OSBPL8: variants seen among roughly 807,000 people sequenced by gnomAD.
OSBPL8 encodes the protein oxysterol-binding protein-related protein 8.
A neutral mutation model predicts 125.5 loss-of-function variants in OSBPL8; 59 were observed. The observed-to-expected ratio is 0.47, with a 90% CI of 0.38 to 0.58. The LOEUF (loss-of-function observed/expected upper bound fraction) is 0.58, where lower values mean the gene tolerates loss of function less well. OSBPL8 is among the 20% of genes least tolerant of loss of function. OSBPL8 has a pLI of 0.00. For synonymous variants in OSBPL8, 330 were observed against 338.9 expected, an observed-to-expected ratio of 0.97 and a Z score of 0.29; for missense variants, 758 against 1,047.8, an observed-to-expected ratio of 0.72 and a Z score of 3.82.
chr12:76,461,132 C>T (rs1239602934), intron 2 of OSBPL8, among the ~76,000 whole-genome samples: 2 of 152,180 alleles, frequency 1.3e-5, no homozygotes, highest in Non-Finnish European at 2.9e-5. Context: ...AAGCAATCCT[C>T]CAGCCTCTGC....
intron 7 of OSBPL8, among the ~76,000 whole-genome samples, chr12:76,398,945 G>T (rs1953936760): frequency 6.6e-6 from 1 of 152,238 alleles, no homozygotes; most frequent in South Asian, 2.1e-4. Flanking sequence ...CAGAAGGAAG[G>T]TAAGGCAGAG....
chr12:76,418,884 T>A (rs1452535739), intron 4 of OSBPL8, among the ~76,000 whole-genome samples: 1 of 151,106 alleles, frequency 6.6e-6, no homozygotes, highest in Non-Finnish European at 1.5e-5. Context: ...CTATTTAGAT[T>A]GACAGATGGC....
At chr12:76,410,694 C>T in intron 4 of OSBPL8, 60 bp from the exon 5 acceptor site, 1 of 1,158,382 alleles carries the variant, frequency 8.6e-7, no homozygotes, top group East Asian at 2.4e-5. Context: ...ATAAGTCATT[C>T]ATTTTCAAGT....
At chr12:76,426,024 A>G (rs1044532925) in intron 4 of OSBPL8, among the ~76,000 whole-genome samples, 6 of 152,158 alleles carry the variant, frequency 3.9e-5, no homozygotes, top group African/African-American at 1.2e-4. Context: ...CTGTTAAATA[A>G]GCAGGAGGCC....
In OSBPL8 at chr12:76,355,973, C is replaced by A. The variant is rs377379397; in HGVS notation, c.2586G>T (p.Thr862=). Residue 862 remains threonine (T), a synonymous_variant, in exon 24 of 24, where the codon ACG becomes ACT. Transcript: ENST00000261183. The part of the protein sequence containing the change: ...RNHLVSSTPA[T]DYFLQQKDYF... ...AGTCTTTTTGTTGCAGAAAATAATCCGTGGCCGGTGTGCTTGAAACTAAAT... is the reference window on the plus strand; with the variant it reads ...AGTCTTTTTGTTGCAGAAAATAATCAGTGGCCGGTGTGCTTGAAACTAAAT... The A allele has an allele frequency of 7.4e-6, 12 of 1,613,154 alleles. No individual in the cohort carries two copies. The highest frequency in any genetic ancestry group is 1.1e-5 in the South Asian group (1 of 91,016).
rs748116081 is a variant in OSBPL8 at position 76,353,917 on chromosome 12, T to C, written c.*1972A>G. On this transcript the variant is annotated 3_prime_UTR_variant, in exon 24 of 24. Transcript: ENST00000261183. The stretch of plus-strand genomic sequence containing the variant: ...AGAAGATACCCATACAAATAAAATA[T>C]TATTTGGACCAAATGAAAACAACAT... 5 of 152,382 alleles carry C rather than the reference T, an allele frequency of 3.3e-5. No individual in the cohort carries two copies. The highest frequency in any genetic ancestry group is 4.8e-5 in the African/African-American group (2 of 41,438). 9.4% of individuals were successfully genotyped at this position (152,382 alleles called of 1,614,324 possible).
intron 15 of OSBPL8, among the ~76,000 whole-genome samples, chr12:76,379,498 C>T (rs775161914): frequency 2.0e-5 from 3 of 152,086 alleles, no homozygotes; most frequent in Admixed American, 6.6e-5. Flanking sequence ...TCCCATTATC[C>T]CCAAAAAGTT....
At chr12:76,393,226 G>A (rs1163918346) in intron 9 of OSBPL8, among the ~76,000 whole-genome samples, 1 of 152,068 alleles carries the variant, frequency 6.6e-6, no homozygotes, top group African/African-American at 2.4e-5. Context: ...ACCATTAACT[G>A]CCATATTAGT....
intron 4 of OSBPL8, chr12:76,422,688 A>T (rs1268426817): frequency 2.2e-6 from 1 of 452,098 alleles, no homozygotes; most frequent in East Asian, 7.0e-5. Context: ...ATGCTCACCC[A>T]AAGGCTAATT....
chr12:76,540,577 C>T (rs1950613603), intron 1 of OSBPL8, among the ~76,000 whole-genome samples: 1 of 149,754 alleles, frequency 6.7e-6, no homozygotes, highest in African/African-American at 2.5e-5. Flanking sequence ...ACAAGGTGGG[C>T]TATTTCAGAC....
At chr12:76,513,751 T>G (rs561355804) in intron 1 of OSBPL8, among the ~76,000 whole-genome samples, 3 of 151,760 alleles carry the variant, frequency 2.0e-5, no homozygotes, top group South Asian at 4.2e-4. Flanking sequence ...TGGGTTTTTT[T>G]TTTTTTTTTT....
rs1951939708 is a variant in OSBPL8 at position 76,355,234 on chromosome 12, A to G, written c.*655T>C. The G allele has an allele frequency of 6.6e-6, 1 of 152,540 alleles. No individual in the cohort carries two copies. Among genetic ancestry groups the G allele is most frequent in the African/African-American group, 2.4e-5 (1 of 41,450 alleles). 9.4% of individuals were successfully genotyped at this position (152,540 alleles called of 1,614,324 possible). ...TAAGTATATATATTTACCTGCATCT[A>G]CAAATATTAAATTCTAGGGGTTAAA... is the stretch of plus-strand genomic sequence containing the variant. On this transcript the variant is annotated 3_prime_UTR_variant, in exon 24 of 24. Transcript: ENST00000261183.
chr12:76,496,217 C>T (rs1277302117), intron 1 of OSBPL8, among the ~76,000 whole-genome samples: 10 of 151,696 alleles, frequency 6.6e-5, no homozygotes, highest in Non-Finnish European at 1.3e-4. Context: ...AAGTGCTCTG[C>T]TGTTTGGTGT....
rs1951914120 is a variant in OSBPL8 at position 76,354,354 on chromosome 12, G to T, written c.*1535C>A. The T allele has an allele frequency of 6.6e-6, 1 of 151,758 alleles. No homozygotes were observed. Among genetic ancestry groups the T allele is most frequent in the African/African-American group, 2.4e-5 (1 of 41,380 alleles). The allele number at this position is 151,758 out of a possible 1,614,324, so 9.4% of individuals were successfully genotyped here. A position where few individuals can be genotyped will look rare whatever the true frequency, so the allele number is the denominator to read the frequency against. On this transcript the variant is annotated 3_prime_UTR_variant, in exon 24 of 24. Coordinates refer to ENST00000261183, the MANE Select transcript of OSBPL8 (RefSeq NM_020841.5). ...AAGGATACTTAAGATAGCTATATTG[G>T]TTAGGGAAAAAAGCAGGCTCTTTTT...
intron 4 of OSBPL8, chr12:76,423,370 A>AC (rs750967037): frequency 1.3e-5 from 2 of 152,206 alleles, no homozygotes; most frequent in East Asian, 3.9e-4. Flanking sequence ...TTAAAACGAC[A>AC]CCATAATGCT....
chr12:76,388,611 T>C (rs1953423235), intron 12 of OSBPL8, among the ~76,000 whole-genome samples: 1 of 152,188 alleles, frequency 6.6e-6, no homozygotes, highest in African/African-American at 2.4e-5. Context: ...AACAATAACT[T>C]ACTATAATTC....
At chr12:76,458,082 G>A (rs892348826) in intron 3 of OSBPL8, among the ~76,000 whole-genome samples, 4 of 151,684 alleles carry the variant, frequency 2.6e-5, no homozygotes, top group African/African-American at 4.8e-5. Flanking sequence ...GACCAGCCTC[G>A]GCAATGTAGG....
rs1363824818 is a variant in OSBPL8 at position 76,355,857 on chromosome 12, T to C, written c.*32A>G. The stretch of plus-strand genomic sequence containing the variant: ...ACTGGTCCCAGGCCAAATCAGATCT[T>C]TCTAGTTCACTGATTCAATGGTAGA... On this transcript the variant is annotated 3_prime_UTR_variant, in exon 24 of 24. Coordinates refer to ENST00000261183, the MANE Select transcript of OSBPL8 (RefSeq NM_020841.5). The C allele has an allele frequency of 1.9e-6, 3 of 1,607,102 alleles. No individual in the cohort carries two copies. Among genetic ancestry groups the C allele is most frequent in the Non-Finnish European group, 2.5e-6 (3 of 1,176,520 alleles).
intron 1 of OSBPL8, among the ~76,000 whole-genome samples, chr12:76,508,930 C>T (rs1188319138): frequency 6.6e-6 from 1 of 152,164 alleles, no homozygotes; most frequent in African/African-American, 2.4e-5. Context: ...ATGAGCAGCC[C>T]ATGCTGCTGC....
Sources: gnomAD v4.1 joint callset for allele counts (sites outside exome capture counted in the v4.1 genomes callset) on GRCh38, gnomAD v4.1.1 for gene constraint, MANE v1.5 for transcripts, NCBI Gene and HGNC (gene_info 2026-07-23, HGNC 2026-07-21) for gene names.